Variants in HERC2 observed in about 807,000 individuals in gnomAD.
HERC2 encodes E3 ubiquitin-protein ligase HERC2.
Under a neutral mutation model 537.7 loss-of-function variants are expected in HERC2, and 102 were observed. The ratio of observed to expected loss-of-function variants is 0.19; its 90% CI spans 0.16 to 0.22. The LOEUF (loss-of-function observed/expected upper bound fraction) is 0.22, where lower values mean the gene tolerates loss of function less well. Among genes scored for constraint, HERC2 ranks in the 10% least tolerant of loss-of-function variants. HERC2 has a pLI of 1.00. For synonymous variants in HERC2, 2,224 were observed against 2,466.2 expected, an observed-to-expected ratio of 0.90 and a Z score of 2.91; for missense variants, 4,236 against 6,198.2, an observed-to-expected ratio of 0.68 and a Z score of 10.63.
At position 28,135,584 on chromosome 15, in the gene HERC2, C is replaced by T; in HGVS notation, c.12124G>A (p.Val4042Ile). 1 of 1,614,182 alleles carries T rather than the reference C, an allele frequency of 6.2e-7. No homozygotes were observed. Among genetic ancestry groups the T allele is most frequent in the Admixed American group, 1.7e-5 (1 of 60,030 alleles). Reference protein sequence around the residue: ...ESIQHVFIKKVAVNSGGKHCL... With the variant: ...ESIQHVFIKKIAVNSGGKHCL... ...TGCTTTCCTCCAGAGTTCACAGCTA[C>T]TTTCTTAATAAACACATGCTGAATG... The change falls in exon 79 of 93, where the codon GTA becomes ATA. Residue 4042 changes from valine (V) to isoleucine (I), a missense_variant. Coordinates refer to ENST00000261609, the MANE Select transcript of HERC2 (RefSeq NM_004667.6).
chr15:28,230,644 C>T, intron 30 of HERC2, 144 bp from the exon 31 acceptor site: 1 of 592,492 alleles, frequency 1.7e-6, no homozygotes. Flanking sequence ...TGCTCAACAA[C>T]AAGAGTGAAA....
intron 85 of HERC2, among the ~76,000 whole-genome samples, chr15:28,123,594 C>T (rs1165194085): frequency 5.3e-5 from 8 of 152,212 alleles, no homozygotes; most frequent in Non-Finnish European, 1.2e-4. Flanking sequence ...AGGCACGGAC[C>T]TTCGAGGTGA....
Position 28,201,497 on chromosome 15 carries a change from T to C in HERC2, c.7675A>G (p.Ser2559Gly), listed in dbSNP as rs61756158. ...QTYKKRADFL[S>G]NDDYAVYVRE... ...ACATATACAGCATAATCATCATTAC[T>C]CAAGAAATCAGCTCGTTTTTTGTAC... Residue 2559 changes from serine to glycine, a missense_variant, in exon 48 of 93, where the codon AGT becomes GGT. Ser to Gly is a moderately conservative substitution (Grantham distance 56). Transcript: ENST00000261609. The C allele has an allele frequency of 1.9e-5, 30 of 1,613,148 alleles. No homozygotes were observed. The East Asian group carries it at 2.7e-4, about 14-fold the overall frequency.
At chr15:28,162,301 C>G (rs1893685346) in intron 69 of HERC2, among the ~76,000 whole-genome samples, 1 of 152,204 alleles carries the variant, frequency 6.6e-6, no homozygotes, top group Non-Finnish European at 1.5e-5. Flanking sequence ...CCACCGCACT[C>G]CAGCCCGGGT....
intron 5 of HERC2, among the ~76,000 whole-genome samples, chr15:28,275,357 C>T (rs752580070): frequency 5.9e-5 from 9 of 152,190 alleles, no homozygotes; most frequent in African/African-American, 1.7e-4. Context: ...GAGACCAGGC[C>T]GGAGAAGAGC....
intron 10 of HERC2, among the ~76,000 whole-genome samples, chr15:28,269,803 T>C (rs2075668092): frequency 1.3e-5 from 2 of 152,270 alleles, no homozygotes; most frequent in African/African-American, 4.8e-5. Flanking sequence ...AGCATCCATG[T>C]TGGTGGTGAG....
At chr15:28,147,184 G>A (rs960051538) in intron 70 of HERC2, among the ~76,000 whole-genome samples, 1 of 152,022 alleles carries the variant, frequency 6.6e-6, no homozygotes, top group Admixed American at 6.6e-5. Context: ...TTTAAAAGCA[G>A]AGAAAACAGG....
At chr15:28,301,882 C>T (rs1217720479) in intron 2 of HERC2, among the ~76,000 whole-genome samples, 11 of 147,662 alleles carry the variant, frequency 7.4e-5, no homozygotes, top group African/African-American at 2.7e-4. Context: ...TCACTGCAAC[C>T]TTTGCCTTTT....
intron 86 of HERC2, among the ~76,000 whole-genome samples, chr15:28,120,923 A>G (rs1254294876): frequency 6.6e-6 from 1 of 152,206 alleles, no homozygotes; most frequent in Non-Finnish European, 1.5e-5. Context: ...GGCAGCTGCC[A>G]AACACAAGCA....
Position 28,177,625 on chromosome 15 carries a change from TAAA to T in HERC2, c.9164-119_9164-117del, listed in dbSNP as rs550903570. 551 of 825,608 alleles carry T rather than the reference TAAA, an allele frequency of 6.7e-4. No individual in the cohort carries two copies. In the East Asian group the frequency reaches 9.3e-3, roughly 14 times the overall value. 51.1% of individuals were successfully genotyped at this position (825,608 alleles called of 1,614,324 possible). ...ACACACTCAATGAGCGTGAGCTGAA[TAAA>T]TGAGTAACTCAACAGGATCAACAGC... On this transcript the variant is annotated intron_variant, in intron 59 of 92. Transcript: ENST00000261609. This position sits in a 1 kb window ranked among gnomAD's most constrained non-coding sequence, Gnocchi z 5.0.
intron 68 of HERC2, among the ~76,000 whole-genome samples, chr15:28,166,427 G>A (rs1400090739): frequency 6.6e-6 from 1 of 152,130 alleles, no homozygotes; most frequent in East Asian, 1.9e-4. Context: ...AATGCAGAAG[G>A]ATAAATAAAT....
At chr15:28,131,504 C>A (rs1280446102) in intron 81 of HERC2, among the ~76,000 whole-genome samples, 2 of 152,204 alleles carry the variant, frequency 1.3e-5, no homozygotes, top group African/African-American at 4.8e-5. Context: ...ATGTGCAGGA[C>A]CTGAACCACG....
chr15:28,264,020 C>CAAAAAAAAAAAAAAAAAA (rs34823980), intron 14 of HERC2, among the ~76,000 whole-genome samples: 1 of 83,706 alleles, frequency 1.2e-5, no homozygotes, highest in Non-Finnish European at 2.8e-5. Context: ...CTTTGTCTTA[C>CAAAAAAAAAAAAAAAAAA]AAAAAAAAAA....
intron 70 of HERC2, among the ~76,000 whole-genome samples, chr15:28,146,587 C>T (rs181238578): frequency 5.7e-4 from 87 of 152,176 alleles, no homozygotes; most frequent in Non-Finnish European, 1.1e-3. Context: ...TGCGGTCACT[C>T]CCGGGCAGAC....
intron 70 of HERC2, 42 bp from the exon 71 acceptor site, chr15:28,146,386 T>C: frequency 7.5e-7 from 1 of 1,336,558 alleles, no homozygotes; most frequent in Non-Finnish European, 1.1e-6. Context: ...CCACTCCAGA[T>C]CAGCACCCAA....
At position 28,132,639 on chromosome 15, in the gene HERC2, CG is replaced by C. The variant is rs561858190; in HGVS notation, c.12408+13del. On this transcript the variant is annotated intron_variant, in intron 80 of 92. Transcript: ENST00000261609. The stretch of plus-strand genomic sequence containing the variant: ...GCATGCAGCCTCCGGCCTCTGCACA[CG>C]GCGCCTCCTCACCAGCTTCGGCTTC... The C allele has an allele frequency of 3.8e-4, 552 of 1,471,530 alleles. 1 individual carries two copies. The East Asian group carries it at 9.0e-3, about 24-fold the overall frequency. The allele number at this position is 1,471,530 out of a possible 1,614,324, so 91.2% of individuals were successfully genotyped here. A position where few individuals can be genotyped will look rare whatever the true frequency, so the allele number is the denominator to read the frequency against.
intron 69 of HERC2, among the ~76,000 whole-genome samples, chr15:28,161,910 T>C (rs1448150439): frequency 6.6e-6 from 1 of 152,220 alleles, no homozygotes; most frequent in Non-Finnish European, 1.5e-5. Context: ...AGTTATTCAA[T>C]AAATGATGTT....
At position 28,280,183 on chromosome 15, in the gene HERC2, TC is replaced by T; in HGVS notation, c.426del (p.Arg143GlyfsTer3). On this transcript the variant is annotated frameshift_variant, in exon 5 of 93. Coordinates refer to ENST00000261609, the MANE Select transcript of HERC2 (RefSeq NM_004667.6). LOFTEE classifies it high-confidence loss of function. ...TTTLSALRLK[Q>X]RLVILERYFI... ...AAATAGCGCTCCAAGATCACCAGCC[TC>T]TGCTTGAGTCGCAGGGCTGAGAGGG... 6.2e-7 allele frequency: 1 copy of T among 1,614,170 alleles called. No individual in the cohort carries two copies. Among genetic ancestry groups the T allele is most frequent in the Non-Finnish European group, 8.5e-7 (1 of 1,179,994 alleles).
chr15:28,165,391 T>C (rs1309214633), intron 68 of HERC2, among the ~76,000 whole-genome samples: 1 of 152,200 alleles, frequency 6.6e-6, no homozygotes, highest in African/African-American at 2.4e-5. Context: ...AGAAGGAAGT[T>C]ATAAATACAG....
Sources: gnomAD v4.1 joint callset for allele counts (sites outside exome capture counted in the v4.1 genomes callset) on GRCh38, gnomAD v4.1.1 for gene constraint, Gnocchi (gnomAD v3.1) non-coding constraint, MANE v1.5 for transcripts, NCBI Gene and HGNC (gene_info 2026-07-23, HGNC 2026-07-21) for gene names.